The following SGCZ variants were observed in gnomAD, a reference collection of about 807,000 sequenced individuals.
SGCZ encodes the protein sarcoglycan zeta, also known as zeta-sarcoglycan.
A neutral mutation model predicts 41.3 loss-of-function variants in SGCZ; 40 were observed. That is an observed-to-expected ratio of 0.97 (90% CI 0.75 to 1.26). SGCZ has a LOEUF of 1.26. SGCZ is among the 50% of genes most tolerant of loss of function. The probability of loss-of-function intolerance (pLI) is 0.00; values close to 1 mark genes in which losing one functional copy is unlikely to be tolerated. For missense variants in SGCZ, 552 were observed against 369.8 expected (o/e 1.49, Z -4.04); for synonymous variants, 206 against 137.5 (o/e 1.50, Z -3.49).
At chr8:14,669,874 T>C (rs995584361) in intron 1 of SGCZ, among the ~76,000 whole-genome samples, 2 of 152,230 alleles carry the variant, frequency 1.3e-5, no homozygotes, top group African/African-American at 4.8e-5. Context: ...ATGGGGTTGC[T>C]GGATTTCATT....
intron 1 of SGCZ, among the ~76,000 whole-genome samples, chr8:14,675,281 T>A (rs1808237797): frequency 6.6e-6 from 1 of 152,000 alleles, no homozygotes; most frequent in African/African-American, 2.4e-5. Context: ...AGGTATTTAT[T>A]TTTAGCAATG....
At chr8:14,619,456 G>T (rs201307595) in intron 1 of SGCZ, among the ~76,000 whole-genome samples, 1 of 66,756 alleles carries the variant, frequency 1.5e-5, no homozygotes, top group Non-Finnish European at 3.4e-5. Context: ...CAGGCAGGAG[G>T]AAAAAAATAA....
intron 1 of SGCZ, among the ~76,000 whole-genome samples, chr8:14,699,977 G>C (rs1466764155): frequency 6.6e-6 from 1 of 151,950 alleles, no homozygotes; most frequent in Non-Finnish European, 1.5e-5. Flanking sequence ...AGGTTGCAGA[G>C]AAAAGGGAAC....
At chr8:14,558,819 A>G (rs1804118359) in intron 1 of SGCZ, among the ~76,000 whole-genome samples, 1 of 152,010 alleles carries the variant, frequency 6.6e-6, no homozygotes, top group Non-Finnish European at 1.5e-5. Flanking sequence ...CCAGGAATGC[A>G]GTGATATGCA....
At chr8:14,240,353 AAAG>A (rs1798833191) in intron 3 of SGCZ, among the ~76,000 whole-genome samples, 3 of 105,810 alleles carry the variant, frequency 2.8e-5, no homozygotes, top group East Asian at 6.8e-4. Flanking sequence ...AAAAAAAAAA[AAAG>A]AACTGAAAGT....
intron 1 of SGCZ, among the ~76,000 whole-genome samples, chr8:15,120,843 C>A (rs1432564502): frequency 1.3e-5 from 2 of 152,036 alleles, no homozygotes; most frequent in African/African-American, 4.8e-5. Flanking sequence ...ATATGAATAC[C>A]TTGTAACAGT....
intron 1 of SGCZ, among the ~76,000 whole-genome samples, chr8:14,602,147 A>C (rs888833397): frequency 1.3e-5 from 2 of 152,042 alleles, no homozygotes; most frequent in Non-Finnish European, 2.9e-5. Flanking sequence ...TAATAAAATA[A>C]AATAAAAAAG....
intron 4 of SGCZ, among the ~76,000 whole-genome samples, chr8:14,172,919 CT>C (rs1476929622): frequency 6.6e-6 from 1 of 152,068 alleles, no homozygotes; most frequent in Non-Finnish European, 1.5e-5. Context: ...TAGATAAAGA[CT>C]ACTAGGGAAT....
At chr8:14,971,484 G>A (rs1351385521) in intron 1 of SGCZ, among the ~76,000 whole-genome samples, 2 of 151,928 alleles carry the variant, frequency 1.3e-5, no homozygotes, top group Non-Finnish European at 2.9e-5. Flanking sequence ...TCAGGAAAGA[G>A]GGTAGGATTT....
chr8:14,874,501 T>C (rs1804275904), intron 1 of SGCZ, among the ~76,000 whole-genome samples: 1 of 152,128 alleles, frequency 6.6e-6, no homozygotes, highest in Admixed American at 6.6e-5. Context: ...CTGACTTTTA[T>C]CAAACCCACA....
intron 1 of SGCZ, among the ~76,000 whole-genome samples, chr8:14,908,203 G>C (rs1799174843): frequency 6.6e-6 from 1 of 152,118 alleles, no homozygotes; most frequent in South Asian, 2.1e-4. Flanking sequence ...AGGCATTATG[G>C]CAAATTTCTC....
chr8:14,500,828 C>A (rs534865234), intron 2 of SGCZ, among the ~76,000 whole-genome samples: 1 of 152,012 alleles, frequency 6.6e-6, no homozygotes, highest in East Asian at 1.9e-4. Flanking sequence ...TGGAGTTTTT[C>A]TGGTTTTCAT....
intron 4 of SGCZ, among the ~76,000 whole-genome samples, chr8:14,226,985 G>A (rs1210337396): frequency 6.6e-6 from 1 of 152,042 alleles, no homozygotes; most frequent in Admixed American, 6.6e-5. Flanking sequence ...TTCTTCCCCA[G>A]ATACATTTAC....
intron 2 of SGCZ, among the ~76,000 whole-genome samples, chr8:14,456,605 G>A (rs1057052126): frequency 3.9e-5 from 6 of 152,064 alleles, no homozygotes; most frequent in Admixed American, 2.6e-4. Flanking sequence ...ACCTATTGAG[G>A]GGATGGAGAT....
intron 1 of SGCZ, among the ~76,000 whole-genome samples, chr8:15,152,301 T>C (rs994735289): frequency 6.6e-6 from 1 of 152,116 alleles, no homozygotes; most frequent in Non-Finnish European, 1.5e-5. Flanking sequence ...GAAAAAAATA[T>C]GTAAAAACAA....
intron 2 of SGCZ, among the ~76,000 whole-genome samples, chr8:14,514,652 G>T (rs545780799): frequency 7.5e-4 from 110 of 147,568 alleles, no homozygotes; most frequent in African/African-American, 2.7e-3. Flanking sequence ...TAAATATTTT[G>T]GACTTTACAT....
At chr8:14,150,099 CAAGACATTG>C (rs1263793871) in intron 5 of SGCZ, among the ~76,000 whole-genome samples, 1 of 152,092 alleles carries the variant, frequency 6.6e-6, no homozygotes, top group Non-Finnish European at 1.5e-5. Flanking sequence ...GTAAACTATC[CAAGACATTG>C]GTCTGGGCAA....
At chr8:14,188,634 C>A (rs1804983707) in intron 4 of SGCZ, among the ~76,000 whole-genome samples, 1 of 152,008 alleles carries the variant, frequency 6.6e-6, no homozygotes, top group African/African-American at 2.4e-5. Context: ...TGGCACAATT[C>A]TGTTAATATA....
intron 2 of SGCZ, among the ~76,000 whole-genome samples, chr8:14,391,108 C>G (rs1158511914): frequency 6.6e-6 from 1 of 152,104 alleles, no homozygotes; most frequent in East Asian, 1.9e-4. Flanking sequence ...AGCAACCAAC[C>G]CAATTACATA....
Sources: allele counts gnomAD v4.1 joint callset (sites outside exome capture counted in the v4.1 genomes callset), GRCh38; gene constraint gnomAD v4.1.1; transcripts MANE v1.5; gene names NCBI Gene and HGNC (gene_info 2026-07-23, HGNC 2026-07-21).